DNAJC3: variants seen among roughly 807,000 people sequenced by gnomAD.
The protein encoded by DNAJC3 is dnaJ homolog subfamily C member 3.
DNAJC3 carries 38 observed loss-of-function variants against 68.6 expected under a neutral mutation model. The ratio of observed to expected loss-of-function variants is 0.55; its 90% CI spans 0.43 to 0.73. DNAJC3 has a LOEUF of 0.73. Ranked by LOEUF, DNAJC3 falls within the 30% of genes least tolerant of loss-of-function variation. The probability of loss-of-function intolerance (pLI) is 0.00; values close to 1 mark genes in which losing one functional copy is unlikely to be tolerated. For missense variants in DNAJC3, 526 were observed against 591.9 expected (o/e 0.89, Z 1.16); for synonymous variants, 203 against 204.0 (o/e 1.00, Z 0.04).
At chr13:95,767,481 A>T (rs1883023082) in intron 9 of DNAJC3, among the ~76,000 whole-genome samples, 1 of 152,050 alleles carries the variant, frequency 6.6e-6, no homozygotes, top group Non-Finnish European at 1.5e-5. Flanking sequence ...GTAGCCATGG[A>T]TATGGGTGTG....
At chr13:95,729,129 A>G (rs930155645) in intron 4 of DNAJC3, among the ~76,000 whole-genome samples, 7 of 152,014 alleles carry the variant, frequency 4.6e-5, no homozygotes, top group Non-Finnish European at 8.8e-5. Context: ...GCATATGAAC[A>G]TGATTTTAAT....
chr13:95,766,735 C>A (rs981824257), intron 9 of DNAJC3, among the ~76,000 whole-genome samples: 18 of 150,762 alleles, frequency 1.2e-4, no homozygotes, highest in Non-Finnish European at 5.9e-5. Context: ...TGCTCTATAG[C>A]CCAGGCTGGA....
At chr13:95,722,244 T>C (rs1047349091) in intron 2 of DNAJC3, among the ~76,000 whole-genome samples, 9 of 152,228 alleles carry the variant, frequency 5.9e-5, no homozygotes, top group African/African-American at 2.2e-4. Context: ...TCTAGCCCCT[T>C]TCTCTAGTCT....
intron 2 of DNAJC3, 71 bp from the exon 3 acceptor site, chr13:95,723,171 G>C (rs1234178726): frequency 3.5e-6 from 5 of 1,416,396 alleles, no homozygotes; most frequent in East Asian, 2.5e-5. Flanking sequence ...ATACTGTCCA[G>C]GTGATTTGTT....
At position 95,792,263 on chromosome 13, in the gene DNAJC3, CTT is replaced by C. The variant is rs1381833107; in HGVS notation, c.*1235_*1236del. On this transcript the variant is annotated 3_prime_UTR_variant, in exon 12 of 12. Coordinates refer to ENST00000602402, the MANE Select transcript of DNAJC3 (RefSeq NM_006260.5). ...CTATTTAAGAAGTGAACTATTCAGTCTTTGTATACTGAATGCTTTTTCCCTAA... is the reference window on the plus strand; with the variant it reads ...CTATTTAAGAAGTGAACTATTCAGTCTGTATACTGAATGCTTTTTCCCTAA... The C allele has an allele frequency of 6.6e-6, 1 of 152,188 alleles. No homozygotes were observed. Among genetic ancestry groups the C allele is most frequent in the East Asian group, 1.9e-4 (1 of 5,198 alleles). The allele number at this position is 152,188 out of a possible 1,614,324, so 9.4% of individuals were successfully genotyped here.
At chr13:95,767,841 C>T (rs1206062231) in intron 9 of DNAJC3, among the ~76,000 whole-genome samples, 1 of 151,614 alleles carries the variant, frequency 6.6e-6, no homozygotes, top group African/African-American at 2.4e-5. Flanking sequence ...ATGTGTGCAC[C>T]ACCACACCTG....
At chr13:95,737,809 T>G (rs1411119302) in intron 4 of DNAJC3, among the ~76,000 whole-genome samples, 2 of 140,904 alleles carry the variant, frequency 1.4e-5, no homozygotes, top group African/African-American at 2.7e-5. Flanking sequence ...GGGTTTTTTG[T>G]GTCTCTATTT....
intron 1 of DNAJC3, among the ~76,000 whole-genome samples, chr13:95,696,377 T>G (rs1204339780): frequency 6.6e-5 from 10 of 152,156 alleles, no homozygotes; most frequent in Non-Finnish European, 1.2e-4. Flanking sequence ...TGGCATCTGG[T>G]TCTTACCTCA....
At chr13:95,741,329 A>G (rs138724219) in intron 4 of DNAJC3, among the ~76,000 whole-genome samples, 6 of 152,212 alleles carry the variant, frequency 3.9e-5, no homozygotes, top group Admixed American at 3.9e-4. Flanking sequence ...GCTGGCTGTA[A>G]TCAGTGTCAG....
chr13:95,739,907 G>C (rs1398897243), intron 4 of DNAJC3, among the ~76,000 whole-genome samples: 1 of 152,164 alleles, frequency 6.6e-6, no homozygotes, highest in Non-Finnish European at 1.5e-5. Flanking sequence ...AGAGTTTCCA[G>C]TTTTTCTGTT....
intron 9 of DNAJC3, among the ~76,000 whole-genome samples, chr13:95,781,328 A>G (rs12583796): frequency 0.53 from 80,305 of 151,866 alleles, 21,405 homozygotes; most frequent in East Asian, 0.66. Flanking sequence ...CTATCCTGAC[A>G]GTTGCCTTAT....
chr13:95,767,412 A>G (rs961543741), intron 9 of DNAJC3, among the ~76,000 whole-genome samples: 1 of 152,136 alleles, frequency 6.6e-6, no homozygotes, highest in African/African-American at 2.4e-5. Flanking sequence ...CATTTTGTTT[A>G]TTAATTCATC....
At chr13:95,722,337 A>G (rs1367930956) in intron 2 of DNAJC3, among the ~76,000 whole-genome samples, 1 of 152,170 alleles carries the variant, frequency 6.6e-6, no homozygotes, top group Non-Finnish European at 1.5e-5. Flanking sequence ...GAGGGAGCAG[A>G]GATTATACAT....
At chr13:95,742,862 G>A (rs749900097) in intron 4 of DNAJC3, 9 of 516,938 alleles carry the variant, frequency 1.7e-5, no homozygotes, top group Middle Eastern at 3.2e-4. Context: ...TCACTACGCC[G>A]TAGGATCTAA....
intron 4 of DNAJC3, among the ~76,000 whole-genome samples, chr13:95,754,463 A>G (rs1178278685): frequency 6.6e-6 from 1 of 152,082 alleles, no homozygotes; most frequent in East Asian, 1.9e-4. Flanking sequence ...AAACTTTTAT[A>G]CTGCAAAACA....
chr13:95,775,696 G>C (rs1298877389), intron 9 of DNAJC3, among the ~76,000 whole-genome samples: 3 of 152,152 alleles, frequency 2.0e-5, no homozygotes, highest in African/African-American at 7.2e-5. Context: ...CCATTTAGTA[G>C]ATTAATGTAT....
At chr13:95,789,415 T>A (rs1008716107) in intron 11 of DNAJC3, among the ~76,000 whole-genome samples, 2 of 152,240 alleles carry the variant, frequency 1.3e-5, no homozygotes, top group Non-Finnish European at 2.9e-5. Flanking sequence ...TTTGGTTTTC[T>A]GTTCCTGCAT....
intron 11 of DNAJC3, 144 bp downstream of exon 11, chr13:95,787,299 C>T (rs1466296073): frequency 5.2e-6 from 5 of 955,890 alleles, no homozygotes; most frequent in Non-Finnish European, 1.5e-6. Flanking sequence ...TTATGCCTGC[C>T]CTCATTCAGC....
chr13:95,785,452 C>CTTTTTT (rs36052714), intron 9 of DNAJC3, among the ~76,000 whole-genome samples: 56 of 77,950 alleles, frequency 7.2e-4, no homozygotes, highest in African/African-American at 1.2e-3. Context: ...CCTTTTAAAC[C>CTTTTTT]TTTTTTTTTT....
Sources: allele counts gnomAD v4.1 joint callset (sites outside exome capture counted in the v4.1 genomes callset), GRCh38; gene constraint gnomAD v4.1.1; transcripts MANE v1.5; gene names NCBI Gene and HGNC (gene_info 2026-07-23, HGNC 2026-07-21).